Variants in GRIK2 observed in about 807,000 individuals in gnomAD.
GRIK2 encodes the protein glutamate receptor ionotropic, kainate 2.
A neutral mutation model predicts 100.3 loss-of-function variants in GRIK2; 32 were observed. The observed-to-expected ratio is 0.32, with a 90% CI of 0.24 to 0.43. The LOEUF (loss-of-function observed/expected upper bound fraction) is 0.43, where lower values mean the gene tolerates loss of function less well. GRIK2 is among the 20% of genes least tolerant of loss of function. GRIK2 has a pLI of 1.00. For missense variants in GRIK2, 843 were observed against 1,114.9 expected (o/e 0.76, Z 3.47); for synonymous variants, 417 against 389.4 (o/e 1.07, Z -0.83).
chr6:101,901,945 C>T (rs1271125545), intron 12 of GRIK2, among the ~76,000 whole-genome samples: 1 of 151,796 alleles, frequency 6.6e-6, no homozygotes, highest in African/African-American at 2.4e-5. Flanking sequence ...TCTACTTCAC[C>T]ATGTACATCT....
intron 4 of GRIK2, among the ~76,000 whole-genome samples, chr6:101,646,159 C>T (rs1781516415): frequency 6.6e-6 from 1 of 151,860 alleles, no homozygotes; most frequent in Non-Finnish European, 1.5e-5. Flanking sequence ...GTGTCCTCAC[C>T]TCCTGGATCA....
chr6:101,761,346 A>T (rs765783606), intron 7 of GRIK2, among the ~76,000 whole-genome samples: 7 of 152,030 alleles, frequency 4.6e-5, no homozygotes, highest in South Asian at 2.1e-4. Context: ...ATTTTTAGTC[A>T]TTTCTTCTTT....
chr6:102,040,853 G>A (rs544027887), intron 15 of GRIK2, among the ~76,000 whole-genome samples: 12 of 151,632 alleles, frequency 7.9e-5, no homozygotes, highest in African/African-American at 2.9e-4. Flanking sequence ...TTAACATAAT[G>A]CACAAAAATT....
Position 101,395,583 on chromosome 6 carries a change from T to C in GRIK2, c.-294+1746T>C, listed in dbSNP as rs368665137. ...ATAAGATTCATTTTCACTGGCAGAA[T>C]AGGAAACTAAAATTGTTTCTCAAGT... On this transcript the variant is annotated intron_variant, in intron 1 of 16. Transcript: ENST00000369134. Among the ~76,000 whole-genome samples, 11 of 152,292 alleles carry C rather than the reference T, an allele frequency of 7.2e-5. No homozygotes were observed. The East Asian group carries it at 1.9e-3, about 27-fold the overall frequency.
At chr6:101,572,838 ATTTATTTAT>A (rs1777616059) in intron 2 of GRIK2, among the ~76,000 whole-genome samples, 1 of 81,780 alleles carries the variant, frequency 1.2e-5, no homozygotes, top group Non-Finnish European at 2.6e-5. Context: ...TTATTTATTT[ATTTATTTAT>A]TTATTTATTT....
chr6:101,775,830 G>C (rs1271857754), intron 7 of GRIK2, among the ~76,000 whole-genome samples: 2 of 150,526 alleles, frequency 1.3e-5, no homozygotes, highest in African/African-American at 4.9e-5. Flanking sequence ...TATATATGGA[G>C]AGAGAGAGAG....
At chr6:101,557,865 T>C (rs1776821647) in intron 2 of GRIK2, among the ~76,000 whole-genome samples, 1 of 152,240 alleles carries the variant, frequency 6.6e-6, no homozygotes, top group Admixed American at 6.5e-5. Flanking sequence ...TCACTGCTTA[T>C]GTATATTCTC....
At chr6:101,793,335 G>A (rs986636614) in intron 7 of GRIK2, among the ~76,000 whole-genome samples, 8 of 152,016 alleles carry the variant, frequency 5.3e-5, no homozygotes, top group Admixed American at 6.6e-5. Context: ...CCATCTTTGT[G>A]GTATTATCTA....
intron 10 of GRIK2, among the ~76,000 whole-genome samples, chr6:101,832,722 C>T (rs538980175): frequency 2.6e-5 from 4 of 152,286 alleles, no homozygotes; most frequent in Non-Finnish European, 4.4e-5. Context: ...ATATACATTT[C>T]ATTTTTTTAA....
At chr6:101,465,321 C>T (rs1771583745) in intron 2 of GRIK2, among the ~76,000 whole-genome samples, 1 of 152,116 alleles carries the variant, frequency 6.6e-6, no homozygotes, top group Non-Finnish European at 1.5e-5. Flanking sequence ...CACTTGATGT[C>T]CATGTATATA....
chr6:101,606,797 G>C (rs889680385), intron 2 of GRIK2, among the ~76,000 whole-genome samples: 2 of 151,906 alleles, frequency 1.3e-5, no homozygotes, highest in African/African-American at 4.8e-5. Context: ...AGTGTACCTA[G>C]CATCCCAAGC....
intron 2 of GRIK2, among the ~76,000 whole-genome samples, chr6:101,548,614 A>G (rs1446084597): frequency 2.0e-5 from 3 of 152,204 alleles, no homozygotes; most frequent in Admixed American, 6.5e-5. Context: ...CAGGTTTGCC[A>G]AAGATCAGAT....
intron 3 of GRIK2, 22 bp downstream of exon 3, chr6:101,622,138 T>A: frequency 1.4e-6 from 2 of 1,443,284 alleles, no homozygotes. Flanking sequence ...ATTTTTAACA[T>A]CTTTGTTTCC....
chr6:101,874,706 A>G (rs1785688491), intron 11 of GRIK2, among the ~76,000 whole-genome samples: 1 of 150,154 alleles, frequency 6.7e-6, no homozygotes. Flanking sequence ...CATTTTCACG[A>G]TATTGATTCT....
chr6:101,487,696 T>C lies in GRIK2; in HGVS notation c.115+88304T>C, dbSNP rs1380307801. Among the ~76,000 whole-genome samples the C allele has an allele frequency of 4.1e-5, 6 of 146,792 alleles. 1 individual carries two copies. The highest frequency in any genetic ancestry group is 9.0e-5 in the Non-Finnish European group (6 of 66,646). ...CATGGTAGCCCCTCTTGTTTTTATA[T>C]CAATTTTTTCACTCAACAAATATTT... On this transcript the variant is annotated intron_variant, in intron 2 of 16. Coordinates refer to ENST00000369134, the MANE Select transcript of GRIK2 (RefSeq NM_021956.5).
At chr6:101,693,735 TTATA>T (rs1368549651) in intron 7 of GRIK2, among the ~76,000 whole-genome samples, 2 of 151,808 alleles carry the variant, frequency 1.3e-5, no homozygotes, top group Non-Finnish European at 2.9e-5. Context: ...AAATAAAAAA[TTATA>T]TATATCTAAT....
chr6:101,836,444 A>G (rs1582341423), intron 10 of GRIK2, among the ~76,000 whole-genome samples: 1 of 150,150 alleles, frequency 6.7e-6, no homozygotes, highest in Admixed American at 6.6e-5. Context: ...AACGTAAAAT[A>G]TCTTAAATTT....
chr6:101,637,636 T>A (rs554636626), intron 4 of GRIK2, among the ~76,000 whole-genome samples: 1 of 152,162 alleles, frequency 6.6e-6, no homozygotes, highest in Admixed American at 6.6e-5. Context: ...TTTTTTGAAA[T>A]GATAGTCTCA....
At chr6:101,600,856 G>A (rs1016190236) in intron 2 of GRIK2, among the ~76,000 whole-genome samples, 1 of 151,726 alleles carries the variant, frequency 6.6e-6, no homozygotes, top group Non-Finnish European at 1.5e-5. Flanking sequence ...CATCAGTGAA[G>A]GCAGATTGAT....
Sources: allele counts gnomAD v4.1 joint callset (sites outside exome capture counted in the v4.1 genomes callset), GRCh38; gene constraint gnomAD v4.1.1; transcripts MANE v1.5; gene names NCBI Gene and HGNC (gene_info 2026-07-23, HGNC 2026-07-21).